Variants in INTS6 observed in about 807,000 individuals in gnomAD.
The protein encoded by INTS6 is integrator complex subunit 6, also known as DEAD box protein.
Under a neutral mutation model 104.9 loss-of-function variants are expected in INTS6, and 16 were observed. That is an observed-to-expected ratio of 0.15 (90% CI 0.10 to 0.23). The LOEUF (loss-of-function observed/expected upper bound fraction) is 0.23, where lower values mean the gene tolerates loss of function less well. Ranked by LOEUF, INTS6 falls within the 10% of genes least tolerant of loss-of-function variation. The pLI, the probability that INTS6 is intolerant of heterozygous loss-of-function variation, is 1.00. For missense variants in INTS6, 584 were observed against 1,062.8 expected, an observed-to-expected ratio of 0.55 and a Z score of 6.26; for synonymous variants, 324 against 358.7, an observed-to-expected ratio of 0.90 and a Z score of 1.09.
chr13:51,404,953 A>C (rs1272525779), intron 4 of INTS6, among the ~76,000 whole-genome samples: 1 of 152,244 alleles, frequency 6.6e-6, no homozygotes, highest in African/African-American at 2.4e-5. Context: ...TACTTTCAAA[A>C]ACATGTAAGT....
chr13:51,369,669 T>TAGAG (rs1451100358), intron 15 of INTS6, among the ~76,000 whole-genome samples: 1 of 152,156 alleles, frequency 6.6e-6, no homozygotes, highest in African/African-American at 2.4e-5. Flanking sequence ...ATCTCTACCT[T>TAGAG]AGAGAGCCCT....
At chr13:51,372,243 G>T (rs1955821275) in intron 15 of INTS6, among the ~76,000 whole-genome samples, 1 of 150,754 alleles carries the variant, frequency 6.6e-6, no homozygotes, top group African/African-American at 2.4e-5. Flanking sequence ...TTACTCCACA[G>T]AAACTGCTCT....
At chr13:51,375,766 T>TGTGCGC (rs1003965942) in intron 13 of INTS6, among the ~76,000 whole-genome samples, 3 of 147,310 alleles carry the variant, frequency 2.0e-5, no homozygotes, top group African/African-American at 7.5e-5. Flanking sequence ...TGTGTGTGTG[T>TGTGCGC]GCGCGCGCGT....
intron 4 of INTS6, among the ~76,000 whole-genome samples, chr13:51,416,504 G>C (rs1956789550): frequency 6.6e-6 from 1 of 152,098 alleles, no homozygotes; most frequent in South Asian, 2.1e-4. Context: ...TTTGTGTCTG[G>C]CTTTCACTTA....
intron 2 of INTS6, chr13:51,451,437 A>G (rs1454556593): frequency 4.3e-6 from 1 of 230,450 alleles, no homozygotes; most frequent in Non-Finnish European, 8.3e-6. Flanking sequence ...CTAATACCCA[A>G]AATTTGGGTA....
chr13:51,394,171 T>C (rs1045250087), intron 5 of INTS6, among the ~76,000 whole-genome samples: 2 of 152,176 alleles, frequency 1.3e-5, no homozygotes, highest in Non-Finnish European at 2.9e-5. Context: ...CGAGAATTGT[T>C]CATTAATTTT....
downstream of INTS6, among the ~76,000 whole-genome samples, chr13:51,360,258 C>T (rs1955550845): frequency 6.6e-6 from 1 of 152,000 alleles, no homozygotes; most frequent in Non-Finnish European, 1.5e-5. Flanking sequence ...GCCACAGATA[C>T]CTCCCAGTGG....
intron 4 of INTS6, among the ~76,000 whole-genome samples, chr13:51,412,345 C>T (rs1490981000): frequency 1.3e-5 from 2 of 152,018 alleles, no homozygotes; most frequent in Non-Finnish European, 2.9e-5. Context: ...TAAGCATATG[C>T]AAAATGTGAG....
chr13:51,426,757 A>C (rs1332994645), intron 4 of INTS6, among the ~76,000 whole-genome samples: 4 of 152,088 alleles, frequency 2.6e-5, no homozygotes, highest in African/African-American at 9.7e-5. Flanking sequence ...CCTAAAAGAC[A>C]CTTACATAGA....
At chr13:51,392,461 C>T (rs1486138335) in intron 5 of INTS6, among the ~76,000 whole-genome samples, 1 of 151,106 alleles carries the variant, frequency 6.6e-6, no homozygotes, top group African/African-American at 2.4e-5. Context: ...CCCCTGCCTA[C>T]CTCTCTAAAC....
rs1363002897 is a variant in INTS6 at position 51,384,762 on chromosome 13, T to C, written c.895-1021A>G. The C allele has an allele frequency of 1.6e-5, 7 of 451,284 alleles. 1 individual carries two copies. Among genetic ancestry groups the C allele is most frequent in the Non-Finnish European group, 3.1e-5 (7 of 224,526 alleles). The allele number at this position is 451,284 out of a possible 1,614,324, so 28.0% of individuals were successfully genotyped here. A position where few individuals can be genotyped will look rare whatever the true frequency, so the allele number is the denominator to read the frequency against. ...CACTTACCAGAACACATAAACATGG[T>C]AGGTAGTCATTACTAGTTGCTGCCT... is the stretch of plus-strand genomic sequence containing the variant. On this transcript the variant is annotated intron_variant, in intron 7 of 17. Transcript: ENST00000311234.
the INTS6 span, among the ~76,000 whole-genome samples, chr13:51,343,519 T>C: frequency 6.6e-6 from 1 of 152,204 alleles, no homozygotes; most frequent in African/African-American, 2.4e-5. Context: ...AGTAAATAAA[T>C]AGAAGTCCAG....
At chr13:51,359,375 T>TCTTA (rs2137820487), downstream of INTS6, among the ~76,000 whole-genome samples, 1 of 152,276 alleles carries the variant, frequency 6.6e-6, no homozygotes, top group South Asian at 2.1e-4. Context: ...AAATGTCAAC[T>TCTTA]CTTACCAGAG....
the INTS6 span, chr13:51,347,102 A>G: frequency 6.2e-7 from 1 of 1,610,894 alleles, no homozygotes; most frequent in South Asian, 1.1e-5. Flanking sequence ...TGTGCTTGTG[A>G]GCACCATGTC....
chr13:51,452,279 G>A lies in INTS6; in HGVS notation c.111+136C>T. 4.2e-6 allele frequency: 4 copies of A among 943,280 alleles called. No individual in the cohort carries two copies. The highest frequency in any genetic ancestry group is 5.4e-6 in the Non-Finnish European group (4 of 746,348). 58.4% of individuals were successfully genotyped at this position (943,280 alleles called of 1,614,324 possible). A position where few individuals can be genotyped will look rare whatever the true frequency, so the allele number is the denominator to read the frequency against. On this transcript the variant is annotated intron_variant, in intron 1 of 17. Transcript: ENST00000311234. The surrounding 1 kb of genome is among the most constrained non-coding windows in gnomAD (Gnocchi z 4.2). ...GCTCGCAGCGCCCGCCCGCCCGCGC[G>A]GTGGGGGAGGGGGTCCCCGAGCCCG...
the INTS6 span, chr13:51,344,306 G>T: frequency 6.2e-7 from 1 of 1,613,932 alleles, no homozygotes; most frequent in Non-Finnish European, 8.5e-7. Flanking sequence ...CCCACCTCCA[G>T]CCAAGGCACC....
chr13:51,434,006 C>A (rs1309099945), intron 3 of INTS6, among the ~76,000 whole-genome samples: 1 of 152,202 alleles, frequency 6.6e-6, no homozygotes, highest in Non-Finnish European at 1.5e-5. Flanking sequence ...TATTCTAATT[C>A]TAAAATCCAC....
rs1955622598 is a variant in INTS6, at chr13:51,363,454, T to G, written c.*2298A>C. The G allele has an allele frequency of 1.3e-5, 2 of 151,718 alleles. No individual in the cohort carries two copies. The highest frequency in any genetic ancestry group is 4.2e-4 in the South Asian group (2 of 4,814). 9.4% of individuals were successfully genotyped at this position (151,718 alleles called of 1,614,324 possible). A position where few individuals can be genotyped will look rare whatever the true frequency, so the allele number is the denominator to read the frequency against. Reference sequence around the variant, plus strand: ...TTCATTATTTCCAACTGACAAATCTTACTAAGAGCAACTAATGAATCAATC... The same window carrying G: ...TTCATTATTTCCAACTGACAAATCTGACTAAGAGCAACTAATGAATCAATC... On this transcript the variant is annotated 3_prime_UTR_variant, in exon 18 of 18. Coordinates refer to ENST00000311234, the MANE Select transcript of INTS6 (RefSeq NM_012141.3).
intron 2 of INTS6, 116 bp from the exon 3 acceptor site, chr13:51,451,290 T>A (rs1225751746): frequency 3.8e-6 from 3 of 788,732 alleles, no homozygotes; most frequent in Non-Finnish European, 5.6e-6. Context: ...TTGGCTTGGT[T>A]AACGTGTTAA....
Sources: gnomAD v4.1 joint callset for allele counts (sites outside exome capture counted in the v4.1 genomes callset) on GRCh38, gnomAD v4.1.1 for gene constraint, Gnocchi (gnomAD v3.1) non-coding constraint, MANE v1.5 for transcripts, NCBI Gene and HGNC (gene_info 2026-07-23, HGNC 2026-07-21) for gene names.